Variants in CAMTA1 observed in about 807,000 individuals in gnomAD.
CAMTA1 encodes the protein calmodulin-binding transcription activator 1.
Under a neutral mutation model 170.9 loss-of-function variants are expected in CAMTA1, and 27 were observed. That is an observed-to-expected ratio of 0.16 (90% confidence interval 0.12 to 0.22). The LOEUF (loss-of-function observed/expected upper bound fraction) is 0.22, where lower values mean the gene tolerates loss of function less well. CAMTA1 is among the 10% of genes least tolerant of loss of function. The pLI, the probability that CAMTA1 is intolerant of heterozygous loss-of-function variation, is 1.00. For missense variants in CAMTA1, 1,619 were observed against 2,217.2 expected, an observed-to-expected ratio of 0.73 and a Z score of 5.42; for synonymous variants, 833 against 891.5, an observed-to-expected ratio of 0.93 and a Z score of 1.17.
intron 4 of CAMTA1, among the ~76,000 whole-genome samples, chr1:7,121,707 C>T (rs913687537): frequency 1.3e-5 from 2 of 152,192 alleles, no homozygotes; most frequent in Admixed American, 6.5e-5. Flanking sequence ...GGGTACACAG[C>T]CCGAGACGGG....
chr1:6,860,054 G>A (rs946297973), intron 3 of CAMTA1, among the ~76,000 whole-genome samples: 1 of 152,018 alleles, frequency 6.6e-6, no homozygotes, highest in Non-Finnish European at 1.5e-5. Context: ...TTTTTTTCTA[G>A]TAGGTTCTTC....
At chr1:6,800,899 T>C (rs372615417) in intron 1 of CAMTA1, among the ~76,000 whole-genome samples, 1 of 152,238 alleles carries the variant, frequency 6.6e-6, no homozygotes, top group Admixed American at 6.5e-5. Flanking sequence ...CTGGTGTTCG[T>C]GTAAACATTC....
At chr1:7,322,366 A>G (rs1323739380) in intron 5 of CAMTA1, among the ~76,000 whole-genome samples, 3 of 152,160 alleles carry the variant, frequency 2.0e-5, no homozygotes, top group Non-Finnish European at 2.9e-5. Context: ...TCAAAGGGAG[A>G]GATGGTAAAT....
chr1:6,904,190 C>T (rs373981585), intron 3 of CAMTA1, among the ~76,000 whole-genome samples: 1 of 152,230 alleles, frequency 6.6e-6, no homozygotes, highest in Non-Finnish European at 1.5e-5. Flanking sequence ...ATAGGCACTT[C>T]TCATGTTAGA....
At chr1:7,407,311 C>T (rs934626843) in intron 5 of CAMTA1, among the ~76,000 whole-genome samples, 2 of 152,182 alleles carry the variant, frequency 1.3e-5, no homozygotes, top group Non-Finnish European at 2.9e-5. Context: ...AAAGCCAGGG[C>T]CTTTGGTGCA....
intron 3 of CAMTA1, among the ~76,000 whole-genome samples, chr1:6,939,662 A>C (rs1254016525): frequency 6.7e-6 from 1 of 150,144 alleles, no homozygotes; most frequent in African/African-American, 2.4e-5. Context: ...TCTGGACCCT[A>C]TTTATTCCCT....
intron 3 of CAMTA1, among the ~76,000 whole-genome samples, chr1:6,847,902 G>A (rs986748497): frequency 1.4e-4 from 21 of 149,374 alleles, no homozygotes; most frequent in Non-Finnish European, 2.5e-4. Context: ...TAGTAGAGAC[G>A]GGGTTTCAGC....
intron 22 of CAMTA1, among the ~76,000 whole-genome samples, chr1:7,756,422 G>C (rs1383543468): frequency 1.3e-5 from 2 of 152,204 alleles, no homozygotes; most frequent in Non-Finnish European, 2.9e-5. Context: ...ATTACAATGA[G>C]TAATTTTAGT....
At position 7,482,943 on chromosome 1, in the gene CAMTA1, G is replaced by A. The variant is rs905463532; in HGVS notation, c.510+15042G>A. On this transcript the variant is annotated intron_variant, in intron 6 of 22. Transcript: ENST00000303635. This position sits in a 1 kb window ranked among gnomAD's most constrained non-coding sequence, Gnocchi z 4.2. ...TGATGTGAGCTGTAAATGTGCCCAG[G>A]CCCCACCCCATGTCATCCCAGGGTG... Among the ~76,000 whole-genome samples, 3 of 152,086 alleles carry A rather than the reference G, an allele frequency of 2.0e-5. No individual in the cohort carries two copies. Among genetic ancestry groups the A allele is most frequent in the Non-Finnish European group, 4.4e-5 (3 of 68,024 alleles).
chr1:7,410,939 GTGTGTATA>G, intron 5 of CAMTA1, among the ~76,000 whole-genome samples: 2 of 151,738 alleles, frequency 1.3e-5, no homozygotes, highest in East Asian at 3.9e-4. Flanking sequence ...CTGTGTGTAT[GTGTGTATA>G]TGTGTGTATG....
chr1:7,133,776 A>G lies in CAMTA1; in HGVS notation c.302+42405A>G, dbSNP rs76576086. ...AACTGTGTCCTTTCCTGAGGTTACT[A>G]CTCCCATGTGGCCCTCTCAAATGGT... is the stretch of plus-strand genomic sequence containing the variant. On this transcript the variant is annotated intron_variant, in intron 4 of 22. Transcript: ENST00000303635. 5.7e-3 allele frequency among the ~76,000 whole-genome samples: 865 copies of G among 152,080 alleles called. 9 individuals are homozygous for G. Among genetic ancestry groups the G allele is most frequent in the African/African-American group, 0.02 (809 of 41,470 alleles).
At chr1:7,128,235 C>G (rs540853944) in intron 4 of CAMTA1, among the ~76,000 whole-genome samples, 1 of 152,304 alleles carries the variant, frequency 6.6e-6, no homozygotes, top group African/African-American at 2.4e-5. Flanking sequence ...GTGCCCTTCC[C>G]TTGGCTCATT....
At chr1:6,797,374 A>G (rs1570013346) in intron 1 of CAMTA1, among the ~76,000 whole-genome samples, 1 of 141,130 alleles carries the variant, frequency 7.1e-6, no homozygotes, top group Non-Finnish European at 1.5e-5. Context: ...ATGACTTTTT[A>G]TTTTTTATTT....
chr1:7,630,924 CT>C (rs2095664852), intron 6 of CAMTA1, among the ~76,000 whole-genome samples: 1 of 152,238 alleles, frequency 6.6e-6, no homozygotes, highest in South Asian at 2.1e-4. Flanking sequence ...CTGCCTATTA[CT>C]GGGGCACCAG....
At chr1:7,079,532 G>T (rs971241305) in intron 3 of CAMTA1, among the ~76,000 whole-genome samples, 1 of 151,964 alleles carries the variant, frequency 6.6e-6, no homozygotes, top group African/African-American at 2.4e-5. Flanking sequence ...GAGTGCAGTG[G>T]TCAGTCTTGG....
intron 3 of CAMTA1, among the ~76,000 whole-genome samples, chr1:7,031,830 C>T (rs1473413302): frequency 1.3e-5 from 2 of 151,908 alleles, no homozygotes; most frequent in African/African-American, 4.8e-5. Flanking sequence ...CATGAGTCAC[C>T]ACGCCCAGCC....
intron 3 of CAMTA1, among the ~76,000 whole-genome samples, chr1:7,036,510 T>C (rs1703619898): frequency 6.6e-6 from 1 of 152,248 alleles, no homozygotes; most frequent in Admixed American, 6.5e-5. Flanking sequence ...CTTACGATCC[T>C]AATTCCACAA....
rs564167913 is a variant in CAMTA1, at chr1:7,500,629, C to T, written c.510+32728C>T. Among the ~76,000 whole-genome samples, 8 of 152,284 alleles carry T rather than the reference C, an allele frequency of 5.3e-5. No individual in the cohort carries two copies. The East Asian group carries it at 1.3e-3, about 26-fold the overall frequency. On this transcript the variant is annotated intron_variant, in intron 6 of 22. Transcript: ENST00000303635. The stretch of plus-strand genomic sequence containing the variant: ...TTCTGTAGCAGCAGCAGCCTCCTCT[C>T]AAGGGCCCTCTGTTGCTCAGGCCGT...
intron 5 of CAMTA1, among the ~76,000 whole-genome samples, chr1:7,462,956 C>T (rs1454564945): frequency 6.6e-6 from 1 of 152,222 alleles, no homozygotes; most frequent in Non-Finnish European, 1.5e-5. Context: ...TGCTCCTAGG[C>T]CACTGGGTCG....
Sources: gnomAD v4.1 joint callset for allele counts (sites outside exome capture counted in the v4.1 genomes callset) on GRCh38, gnomAD v4.1.1 for gene constraint, Gnocchi (gnomAD v3.1) non-coding constraint, MANE v1.5 for transcripts, NCBI Gene and HGNC (gene_info 2026-07-23, HGNC 2026-07-21) for gene names.